Variants in POU2F1 observed in about 807,000 individuals in gnomAD.
POU2F1 encodes POU domain, class 2, transcription factor 1.
POU2F1 carries 16 observed loss-of-function variants against 84.9 expected under a neutral mutation model. The observed-to-expected ratio is 0.19, with a 90% confidence interval of 0.13 to 0.29. The LOEUF (loss-of-function observed/expected upper bound fraction) is 0.29, where lower values mean the gene tolerates loss of function less well. Among genes scored for constraint, POU2F1 ranks in the 10% least tolerant of loss-of-function variants. The pLI is 1.00. For synonymous variants in POU2F1, 368 were observed against 368.3 expected, an observed-to-expected ratio of 1.00 and a Z score of 0.01; for missense variants, 738 against 942.6, an observed-to-expected ratio of 0.78 and a Z score of 2.84.
At chr1:167,297,857 C>CT (rs1378056962) in intron 1 of POU2F1, among the ~76,000 whole-genome samples, 3 of 152,016 alleles carry the variant, frequency 2.0e-5, no homozygotes, top group African/African-American at 7.3e-5. Context: ...CTAAGGAACA[C>CT]TAACTTTTAA....
chr1:167,387,873 A>G (rs1390054828), intron 8 of POU2F1, among the ~76,000 whole-genome samples: 7 of 152,356 alleles, frequency 4.6e-5, no homozygotes, highest in African/African-American at 7.2e-5. Context: ...AAAATAAACT[A>G]TACATGGATT....
At chr1:167,389,419 A>C (rs1490525252) in intron 8 of POU2F1, among the ~76,000 whole-genome samples, 169 bp from the exon 9 acceptor site, 2 of 152,140 alleles carry the variant, frequency 1.3e-5, no homozygotes, top group Admixed American at 1.3e-4. Flanking sequence ...CAGTATACAT[A>C]ATTTCACTGT....
At chr1:167,295,484 T>C (rs1023417361) in intron 1 of POU2F1, among the ~76,000 whole-genome samples, 12 of 152,216 alleles carry the variant, frequency 7.9e-5, no homozygotes, top group Non-Finnish European at 1.5e-4. Context: ...GCTATGAATA[T>C]GCAAGTGCAT....
chr1:167,291,737 A>G (rs1280701528), intron 1 of POU2F1, among the ~76,000 whole-genome samples: 1 of 152,192 alleles, frequency 6.6e-6, no homozygotes, highest in African/African-American at 2.4e-5. Flanking sequence ...TTCCTTTTAC[A>G]GTATGTCAGC....
chr1:167,286,040 AAAG>A (rs1276061500), intron 1 of POU2F1, among the ~76,000 whole-genome samples: 2 of 152,200 alleles, frequency 1.3e-5, no homozygotes, highest in Non-Finnish European at 2.9e-5. Flanking sequence ...TATGGCTGGA[AAAG>A]AAGATTATGG....
chr1:167,340,914 G>C (rs1210645072), intron 2 of POU2F1, among the ~76,000 whole-genome samples: 2 of 152,144 alleles, frequency 1.3e-5, no homozygotes, highest in Admixed American at 1.3e-4. Flanking sequence ...TCAGTGTAGG[G>C]GAAAAGTGTT....
chr1:167,384,446 G>T (rs760039645), intron 8 of POU2F1, among the ~76,000 whole-genome samples: 1 of 151,872 alleles, frequency 6.6e-6, no homozygotes, highest in Non-Finnish European at 1.5e-5. Flanking sequence ...TTAAATTATA[G>T]ACCTGATTCC....
At chr1:167,299,281 G>C (rs1156612983) in intron 1 of POU2F1, among the ~76,000 whole-genome samples, 1 of 151,958 alleles carries the variant, frequency 6.6e-6, no homozygotes, top group Non-Finnish European at 1.5e-5. Context: ...ATATATGAAG[G>C]CAGTGTGGTT....
chr1:167,407,353 A>G lies in POU2F1; in HGVS notation c.1556-4606A>G, dbSNP rs79450178. ...TCTTCCAGCTTGATTTATAGATTCA[A>G]CAAAATCATAGTAAAAATTCCAACA... On this transcript the variant is annotated intron_variant, in intron 13 of 15. Coordinates refer to ENST00000367866, the MANE Select transcript of POU2F1 (RefSeq NM_002697.4). 8.7e-3 allele frequency among the ~76,000 whole-genome samples: 1,324 copies of G among 152,278 alleles called. 13 individuals carry two copies. Among genetic ancestry groups the G allele is most frequent in the Non-Finnish European group, 0.014 (923 of 68,016 alleles).
intron 1 of POU2F1, among the ~76,000 whole-genome samples, chr1:167,242,171 G>A (rs1307430269): frequency 2.0e-5 from 3 of 152,080 alleles, no homozygotes; most frequent in Admixed American, 2.0e-4. Flanking sequence ...AAGTAATTGT[G>A]AACATTAATT....
chr1:167,370,121 T>G, intron 3 of POU2F1, 40 bp from the exon 4 acceptor site: 1 of 1,539,648 alleles, frequency 6.5e-7, no homozygotes, highest in Non-Finnish European at 8.9e-7. Context: ...GTGATGAATG[T>G]CAACAGTATT....
chr1:167,372,702 C>T (rs892868407), intron 5 of POU2F1, among the ~76,000 whole-genome samples: 4 of 152,118 alleles, frequency 2.6e-5, no homozygotes, highest in Non-Finnish European at 4.4e-5. Flanking sequence ...AAGGCTGAGA[C>T]GTTCTGTCAT....
intron 1 of POU2F1, among the ~76,000 whole-genome samples, chr1:167,225,467 C>G (rs1648561220): frequency 6.6e-6 from 1 of 152,172 alleles, no homozygotes; most frequent in South Asian, 2.1e-4. Flanking sequence ...AAATATGTTT[C>G]ATTGCTGCCT....
At chr1:167,410,355 A>C (rs1376972198) in intron 13 of POU2F1, among the ~76,000 whole-genome samples, 19 of 152,170 alleles carry the variant, frequency 1.2e-4, no homozygotes, top group Admixed American at 1.2e-3. Context: ...GAAGAGTGGA[A>C]GTGAGAGTTC....
chr1:167,306,012 G>A (rs959895074), intron 1 of POU2F1, among the ~76,000 whole-genome samples: 2 of 152,176 alleles, frequency 1.3e-5, no homozygotes, highest in African/African-American at 4.8e-5. Context: ...GAAGAAAAGC[G>A]TTGTGCATGG....
intron 1 of POU2F1, among the ~76,000 whole-genome samples, chr1:167,279,959 A>G (rs910341204): frequency 5.9e-5 from 9 of 152,098 alleles, no homozygotes; most frequent in African/African-American, 2.2e-4. Flanking sequence ...TAATCTCAGC[A>G]CTTTGGGAGG....
At chr1:167,353,043 T>C (rs1429460663) in intron 2 of POU2F1, among the ~76,000 whole-genome samples, 1 of 152,198 alleles carries the variant, frequency 6.6e-6, no homozygotes, top group Non-Finnish European at 1.5e-5. Flanking sequence ...CCTTGACTGC[T>C]GGCTATGAAG....
At position 167,253,734 on chromosome 1, in the gene POU2F1, T is replaced by C. The variant is rs564684626; in HGVS notation, c.61+32776T>C. Among the ~76,000 whole-genome samples, 8 of 152,186 alleles carry C rather than the reference T, an allele frequency of 5.3e-5. No individual in the cohort carries two copies. The South Asian group carries it at 1.2e-3, about 24-fold the overall frequency. On this transcript the variant is annotated intron_variant, in intron 1 of 15. Coordinates refer to ENST00000367866, the MANE Select transcript of POU2F1 (RefSeq NM_002697.4). ...GAGCCACCACGTCCAGCCAGAATTT[T>C]TTATTTTTTAAGAAAGAAAGTTTAT...
Position 167,252,132 on chromosome 1 carries a change from G to C in POU2F1, c.61+31174G>C, listed in dbSNP as rs140150889. Among the ~76,000 whole-genome samples the C allele has an allele frequency of 8.9e-3, 1,351 of 152,074 alleles. 21 individuals are homozygous for C. The highest frequency in any genetic ancestry group is 0.032 in the African/African-American group (1,309 of 41,492). ...CTGCCTCGGCCTCCCAAAGTGCTAGGATTACAGGTGTGAGCCACCGCTGCA... is the reference window on the plus strand; with the variant it reads ...CTGCCTCGGCCTCCCAAAGTGCTAGCATTACAGGTGTGAGCCACCGCTGCA... On this transcript the variant is annotated intron_variant, in intron 1 of 15. Coordinates refer to ENST00000367866, the MANE Select transcript of POU2F1 (RefSeq NM_002697.4).
Sources: allele counts gnomAD v4.1 joint callset (sites outside exome capture counted in the v4.1 genomes callset), GRCh38; gene constraint gnomAD v4.1.1; transcripts MANE v1.5; gene names NCBI Gene and HGNC (gene_info 2026-07-23, HGNC 2026-07-21).